TPST1: variants seen among roughly 807,000 people sequenced by gnomAD.
TPST1 encodes the protein tyrosylprotein sulfotransferase 1.
A neutral mutation model predicts 34.8 loss-of-function variants in TPST1; 20 were observed. The ratio of observed to expected loss-of-function variants is 0.57; its 90% CI spans 0.40 to 0.84. The LOEUF (loss-of-function observed/expected upper bound fraction) is 0.84, where lower values mean the gene tolerates loss of function less well. Ranked by LOEUF, TPST1 falls within the 40% of genes least tolerant of loss-of-function variation. The pLI is 0.00. For synonymous variants in TPST1, 152 were observed against 159.4 expected (o/e 0.95, Z 0.35); for missense variants, 353 against 455.5 (o/e 0.78, Z 2.05).
intron 1 of TPST1, among the ~76,000 whole-genome samples, chr7:66,212,857 G>A (rs1789295073): frequency 6.6e-6 from 1 of 152,038 alleles, no homozygotes; most frequent in Non-Finnish European, 1.5e-5. Context: ...TCTTTTTATA[G>A]GATTTGTGGT....
rs184349221 is a variant in TPST1 at position 66,314,945 on chromosome 7, A to C, written c.1044+28236A>C. 3.3e-4 allele frequency among the ~76,000 whole-genome samples: 50 copies of C among 152,274 alleles called. 1 individual carries two copies. The Middle Eastern group carries it at 0.02, about 62-fold the overall frequency. On this transcript the variant is annotated intron_variant, in intron 3 of 5. Transcript: ENST00000304842. ...TATCTTGCTTTTCATCAGGCTTTAC[A>C]CTCTAGATGAGCATCCATTGATTAT...
intron 3 of TPST1, among the ~76,000 whole-genome samples, chr7:66,298,843 G>A (rs973820095): frequency 2.0e-5 from 3 of 152,030 alleles, no homozygotes; most frequent in South Asian, 2.1e-4. Flanking sequence ...CAGATAGTAG[G>A]CCGGGTGCAG....
chr7:66,312,060 G>A lies in TPST1; in HGVS notation c.1044+25351G>A, dbSNP rs1791542398. ...GTACTTACCAGATTAAATGTCAAAG[G>A]ATCCAGCTCTTTGTTGGTTTTGTGT... is the stretch of plus-strand genomic sequence containing the variant. On this transcript the variant is annotated intron_variant, in intron 3 of 5. Coordinates refer to ENST00000304842, the MANE Select transcript of TPST1 (RefSeq NM_003596.4). Among the ~76,000 whole-genome samples, 3 of 152,210 alleles carry A rather than the reference G, an allele frequency of 2.0e-5. No individual in the cohort carries two copies. In the South Asian group the frequency reaches 6.2e-4, roughly 31 times the overall value.
intron 2 of TPST1, among the ~76,000 whole-genome samples, chr7:66,251,740 T>A (rs190949740): frequency 6.6e-6 from 1 of 152,342 alleles, no homozygotes; most frequent in Admixed American, 6.5e-5. Flanking sequence ...AGTTTGCCTG[T>A]TGGTAAACTT....
rs59995069 is a variant in TPST1 at position 66,219,673 on chromosome 7, T to C, written c.-102+14151T>C. 2.6e-3 allele frequency among the ~76,000 whole-genome samples: 389 copies of C among 152,328 alleles called. 1 individual carries two copies. Among genetic ancestry groups the C allele is most frequent in the African/African-American group, 9.0e-3 (376 of 41,584 alleles). ...AAACTATTTGCTAATGAAAGCCTTA[T>C]AAATAATAGCAGATGGTCTTAAATT... is the stretch of plus-strand genomic sequence containing the variant. On this transcript the variant is annotated intron_variant, in intron 1 of 5. Transcript: ENST00000304842.
At chr7:66,308,711 C>G (rs1791470887) in intron 3 of TPST1, among the ~76,000 whole-genome samples, 1 of 152,132 alleles carries the variant, frequency 6.6e-6, no homozygotes, top group Non-Finnish European at 1.5e-5. Context: ...ATTGTTATTT[C>G]TAGCCTGCAG....
chr7:66,280,974 T>G (rs1790921393), intron 2 of TPST1, among the ~76,000 whole-genome samples: 1 of 152,204 alleles, frequency 6.6e-6, no homozygotes, highest in Admixed American at 6.5e-5. Flanking sequence ...TTGTCATAGA[T>G]ATCACTTATT....
intron 1 of TPST1, among the ~76,000 whole-genome samples, chr7:66,226,018 C>A (rs775003991): frequency 2.6e-5 from 4 of 151,994 alleles, no homozygotes; most frequent in Non-Finnish European, 5.9e-5. Flanking sequence ...TCCCGAGTAG[C>A]TGGGAATACA....
At chr7:66,255,511 T>TC (rs758862362) in intron 2 of TPST1, among the ~76,000 whole-genome samples, 2 of 152,106 alleles carry the variant, frequency 1.3e-5, no homozygotes, top group East Asian at 3.8e-4. Flanking sequence ...CTCCTTTCCT[T>TC]CCCCCAACTT....
chr7:66,357,812 A>G lies in TPST1; in HGVS notation c.*29+941A>G, dbSNP rs185682616. 8.6e-3 allele frequency among the ~76,000 whole-genome samples: 1,313 copies of G among 152,260 alleles called. 6 individuals carry two copies. Among genetic ancestry groups the G allele is most frequent in the East Asian group, 0.013 (65 of 5,184 alleles). On this transcript the variant is annotated intron_variant, in intron 5 of 5. Coordinates refer to ENST00000304842, the MANE Select transcript of TPST1 (RefSeq NM_003596.4). Reference sequence around the variant, plus strand: ...TCAAAAAATCTGATATTGGCTGGGCATGGTGGCTCATGCCTGTAATCCCAG... The same window carrying G: ...TCAAAAAATCTGATATTGGCTGGGCGTGGTGGCTCATGCCTGTAATCCCAG...
intron 2 of TPST1, among the ~76,000 whole-genome samples, chr7:66,267,970 T>A (rs1419257299): frequency 6.6e-6 from 1 of 152,092 alleles, no homozygotes; most frequent in Non-Finnish European, 1.5e-5. Flanking sequence ...GTCCTTTTTT[T>A]TTGACAGGGT....
intron 3 of TPST1, among the ~76,000 whole-genome samples, chr7:66,321,372 G>A (rs1457796543): frequency 6.6e-6 from 1 of 152,222 alleles, no homozygotes; most frequent in Non-Finnish European, 1.5e-5. Context: ...TGACTTCAGG[G>A]TCAGGCTCCA....
chr7:66,227,007 T>C (rs1789668709), intron 1 of TPST1, among the ~76,000 whole-genome samples: 2 of 148,626 alleles, frequency 1.3e-5, no homozygotes, highest in African/African-American at 5.0e-5. Context: ...CACAGTTTGG[T>C]GTTGGATGCC....
chr7:66,218,343 G>A (rs1789468501), intron 1 of TPST1, among the ~76,000 whole-genome samples: 1 of 151,932 alleles, frequency 6.6e-6, no homozygotes, highest in South Asian at 2.1e-4. Context: ...TTCTCTCCTT[G>A]CTAAGCTACT....
chr7:66,227,621 A>G (rs1789690930), intron 1 of TPST1, among the ~76,000 whole-genome samples: 1 of 152,104 alleles, frequency 6.6e-6, no homozygotes. Context: ...GGGCAGCAGT[A>G]GAAGTAAGGA....
chr7:66,353,677 C>T (rs1241507791), intron 4 of TPST1, among the ~76,000 whole-genome samples: 2 of 152,178 alleles, frequency 1.3e-5, no homozygotes, highest in Non-Finnish European at 2.9e-5. Flanking sequence ...TGAGTGCAGC[C>T]GACTTCCCTT....
rs754540530 is a variant in TPST1 at position 66,241,184 on chromosome 7, C to G, written c.759C>G (p.Leu253=). 1 of 1,614,194 alleles carries G rather than the reference C, an allele frequency of 6.2e-7. No individual in the cohort carries two copies. The highest frequency in any genetic ancestry group is 8.5e-7 in the Non-Finnish European group (1 of 1,180,036). ...ATCCTGAACGGTGGATGAGAACACT[C>G]TTAAAGTTCCTCCAGATTCCATGGA... is the stretch of plus-strand genomic sequence containing the variant. ...VLHPERWMRT[L]LKFLQIPWNH... is the part of the protein sequence containing the mutation. The change falls in exon 2 of 6, where the codon CTC becomes CTG. Residue 253 remains leucine (L), a synonymous_variant. Transcript: ENST00000304842.
chr7:66,295,853 C>G (rs934942887), intron 3 of TPST1, among the ~76,000 whole-genome samples: 1 of 152,088 alleles, frequency 6.6e-6, no homozygotes, highest in Non-Finnish European at 1.5e-5. Flanking sequence ...GTTGGCCTGG[C>G]TGATCTCAAA....
chr7:66,246,411 A>C (rs1189811553), intron 2 of TPST1, among the ~76,000 whole-genome samples: 2 of 152,082 alleles, frequency 1.3e-5, no homozygotes, highest in East Asian at 3.9e-4. Flanking sequence ...CAAGGGATAC[A>C]AGTGACAGAG....
Sources: allele counts gnomAD v4.1 joint callset (sites outside exome capture counted in the v4.1 genomes callset), GRCh38; gene constraint gnomAD v4.1.1; transcripts MANE v1.5; gene names NCBI Gene and HGNC (gene_info 2026-07-23, HGNC 2026-07-21).